Variants in HS3ST4 observed in about 807,000 individuals in gnomAD.
HS3ST4 encodes heparan sulfate glucosamine 3-O-sulfotransferase 4.
In HS3ST4, 17 loss-of-function variants were observed where a neutral mutation model predicts 29.2. That is an observed-to-expected ratio of 0.58 (90% confidence interval 0.40 to 0.87). HS3ST4 has a LOEUF of 0.87. HS3ST4 is among the 40% of genes least tolerant of loss of function. The pLI, the probability that HS3ST4 is intolerant of heterozygous loss-of-function variation, is 0.00. For missense variants in HS3ST4, 627 were observed against 634.5 expected (o/e 0.99, Z 0.13); for synonymous variants, 314 against 285.7 (o/e 1.10, Z -1.00).
At chr16:25,752,510 AG>A (rs1346795519) in intron 1 of HS3ST4, among the ~76,000 whole-genome samples, 1 of 152,126 alleles carries the variant, frequency 6.6e-6, no homozygotes, top group Non-Finnish European at 1.5e-5. Context: ...TAAAAGAGGG[AG>A]GAAAAAAAAG....
At chr16:25,707,806 CT>C (rs1966385824) in intron 1 of HS3ST4, among the ~76,000 whole-genome samples, 1 of 152,212 alleles carries the variant, frequency 6.6e-6, no homozygotes, top group Non-Finnish European at 1.5e-5. Context: ...GCTTCCACCA[CT>C]TACAATGTTT....
chr16:25,880,046 G>A (rs547782630), intron 1 of HS3ST4, among the ~76,000 whole-genome samples: 5 of 152,202 alleles, frequency 3.3e-5, no homozygotes, highest in East Asian at 1.9e-4. Flanking sequence ...TACAATTCAC[G>A]GTGAGATTTG....
chr16:26,120,851 T>TA (rs1567316933), intron 1 of HS3ST4, among the ~76,000 whole-genome samples: 1 of 152,204 alleles, frequency 6.6e-6, no homozygotes, highest in African/African-American at 2.4e-5. Flanking sequence ...GCACATGGGC[T>TA]AAAAATGAAA....
chr16:25,736,507 T>G (rs1251421338), intron 1 of HS3ST4, among the ~76,000 whole-genome samples: 2 of 152,236 alleles, frequency 1.3e-5, no homozygotes, highest in African/African-American at 2.4e-5. Context: ...GCACTCTTAT[T>G]CATGTGATCC....
chr16:26,009,933 G>A (rs1194727832), intron 1 of HS3ST4, among the ~76,000 whole-genome samples: 2 of 152,168 alleles, frequency 1.3e-5, no homozygotes, highest in African/African-American at 4.8e-5. Flanking sequence ...TGCAAAGCCA[G>A]CTTTTCACTG....
At chr16:25,864,763 A>G (rs1967675941) in intron 1 of HS3ST4, among the ~76,000 whole-genome samples, 2 of 151,940 alleles carry the variant, frequency 1.3e-5, no homozygotes, top group African/African-American at 2.4e-5. Context: ...GTGTATATAT[A>G]TATTTATTGT....
At chr16:26,023,016 G>A (rs1969429972) in intron 1 of HS3ST4, among the ~76,000 whole-genome samples, 1 of 151,924 alleles carries the variant, frequency 6.6e-6, no homozygotes, top group African/African-American at 2.4e-5. Flanking sequence ...CACTCCAGGT[G>A]GGGAAACAAG....
At chr16:25,965,865 G>C (rs1170500088) in intron 1 of HS3ST4, among the ~76,000 whole-genome samples, 2 of 152,142 alleles carry the variant, frequency 1.3e-5, no homozygotes, top group Non-Finnish European at 2.9e-5. Context: ...TGTTTTTGGA[G>C]ACAGGGAATT....
chr16:25,813,926 C>T (rs1241268812), intron 1 of HS3ST4, among the ~76,000 whole-genome samples: 1 of 152,140 alleles, frequency 6.6e-6, no homozygotes, highest in Non-Finnish European at 1.5e-5. Flanking sequence ...AAAAGACAAG[C>T]AGCTAAAAGA....
At chr16:26,025,695 A>G (rs1969463873) in intron 1 of HS3ST4, among the ~76,000 whole-genome samples, 1 of 152,212 alleles carries the variant, frequency 6.6e-6, no homozygotes, top group African/African-American at 2.4e-5. Context: ...ACATCATGGG[A>G]TCGTAGGCAA....
chr16:25,710,102 G>C (rs954630654), intron 1 of HS3ST4, among the ~76,000 whole-genome samples: 10 of 152,094 alleles, frequency 6.6e-5, no homozygotes, highest in Non-Finnish European at 1.3e-4. Context: ...TCACAATATA[G>C]AATTAAGTGT....
At chr16:25,749,499 AAAG>A (rs1414350083) in intron 1 of HS3ST4, among the ~76,000 whole-genome samples, 10 of 152,198 alleles carry the variant, frequency 6.6e-5, no homozygotes, top group South Asian at 2.1e-4. Flanking sequence ...CCATATCAAA[AAAG>A]AAGAAGAAGA....
intron 1 of HS3ST4, among the ~76,000 whole-genome samples, chr16:26,046,705 A>C (rs1217710854): frequency 6.6e-6 from 1 of 151,762 alleles, no homozygotes; most frequent in Non-Finnish European, 1.5e-5. Context: ...TTATATATGT[A>C]TATATGTGTA....
chr16:25,939,965 C>G (rs1968557047), intron 1 of HS3ST4, among the ~76,000 whole-genome samples: 1 of 152,102 alleles, frequency 6.6e-6, no homozygotes, highest in African/African-American at 2.4e-5. Context: ...GGAGTTACAA[C>G]CATAAATACG....
chr16:26,049,123 AATT>A (rs1364645168), intron 1 of HS3ST4, among the ~76,000 whole-genome samples: 1 of 152,032 alleles, frequency 6.6e-6, no homozygotes, highest in African/African-American at 2.4e-5. Context: ...TTGACATAAT[AATT>A]ATTATCTTAT....
At chr16:25,707,120 G>T (rs1390403713) in intron 1 of HS3ST4, among the ~76,000 whole-genome samples, 2 of 152,072 alleles carry the variant, frequency 1.3e-5, no homozygotes, top group African/African-American at 2.4e-5. Context: ...GACTGTCGTG[G>T]TATCTCAGTG....
At chr16:26,107,492 G>A (rs1176232494) in intron 1 of HS3ST4, among the ~76,000 whole-genome samples, 1 of 152,148 alleles carries the variant, frequency 6.6e-6, no homozygotes, top group African/African-American at 2.4e-5. Context: ...ACCTGTCACT[G>A]GAGTAGTGTA....
chr16:26,021,093 C>T (rs77974681), intron 1 of HS3ST4, among the ~76,000 whole-genome samples: 12,988 of 152,088 alleles, frequency 0.085, 1,280 homozygotes, highest in East Asian at 0.23. Context: ...CAAAACAGCC[C>T]CGAGTGAGGT....
intron 1 of HS3ST4, among the ~76,000 whole-genome samples, chr16:25,856,744 C>G (rs1011079866): frequency 6.6e-6 from 1 of 152,182 alleles, no homozygotes; most frequent in African/African-American, 2.4e-5. Context: ...ATGGGTTGGA[C>G]AAGCTTGCTC....
Sources: gnomAD v4.1 joint callset for allele counts (sites outside exome capture counted in the v4.1 genomes callset) on GRCh38, gnomAD v4.1.1 for gene constraint, MANE v1.5 for transcripts, NCBI Gene and HGNC (gene_info 2026-07-23, HGNC 2026-07-21) for gene names.